The following LRRTM3 variants were observed in gnomAD, a reference collection of about 807,000 sequenced individuals.
LRRTM3 encodes leucine rich repeat transmembrane neuronal 3.
In LRRTM3, 24 loss-of-function variants were observed where a neutral mutation model predicts 44.7. The observed-to-expected ratio is 0.54, with a 90% CI of 0.39 to 0.76. The LOEUF is 0.76. Among genes scored for constraint, LRRTM3 ranks in the 30% least tolerant of loss-of-function variants. The pLI, the probability that LRRTM3 is intolerant of heterozygous loss-of-function variation, is 0.00. For missense variants in LRRTM3, 587 were observed against 702.2 expected (o/e 0.84, Z 1.85); for synonymous variants, 277 against 278.7 (o/e 0.99, Z 0.06).
At chr10:67,022,581 A>G (rs1853093687) in intron 2 of LRRTM3, among the ~76,000 whole-genome samples, 1 of 152,188 alleles carries the variant, frequency 6.6e-6, no homozygotes, top group African/African-American at 2.4e-5. Flanking sequence ...TGCAGTGTAC[A>G]AAGTCAATAT....
At position 67,100,412 on chromosome 10, in the gene LRRTM3, T is replaced by C. The variant is rs374127191; in HGVS notation, c.*2616T>C. Among the ~76,000 whole-genome samples, 8 of 151,772 alleles carry C rather than the reference T, an allele frequency of 5.3e-5. No individual in the cohort carries two copies. The highest frequency in any genetic ancestry group is 1.7e-4 in the African/African-American group (7 of 41,412). On this transcript the variant is annotated 3_prime_UTR_variant, in exon 3 of 3. Coordinates refer to ENST00000361320, the MANE Select transcript of LRRTM3 (RefSeq NM_178011.5). ...TATTATTTTTGCTTAATTTTTATTTTGCCATGTCCAGGTTAAGGGTGAGGG... is the reference window on the plus strand; with the variant it reads ...TATTATTTTTGCTTAATTTTTATTTCGCCATGTCCAGGTTAAGGGTGAGGG...
intron 2 of LRRTM3, among the ~76,000 whole-genome samples, chr10:66,963,473 CTT>C (rs1438167504): frequency 2.0e-5 from 3 of 152,144 alleles, no homozygotes; most frequent in African/African-American, 7.2e-5. Flanking sequence ...ACAACGATTA[CTT>C]TCCAAGTAGA....
chr10:66,927,107 T>C lies in LRRTM3; in HGVS notation c.191T>C (p.Leu64Ser). ...EIPSSISAGC[L>S]GLSLRYNSLQ... is the part of the protein sequence containing the mutation. ...CCCTCAAGTATATCTGCTGGTTGCT[T>C]AGGTTTGTCCCTTCGCTATAACAGC... The change falls in exon 2 of 3, where the codon TTA becomes TCA. Residue 64 changes from leucine to serine, a missense_variant. Transcript: ENST00000361320. This position sits in a 1 kb window ranked among gnomAD's most constrained non-coding sequence, Gnocchi z 4.7. 1.2e-6 allele frequency: 2 copies of C among 1,614,190 alleles called. No homozygotes were observed. Among genetic ancestry groups the C allele is most frequent in the Admixed American group, 1.7e-5 (1 of 60,024 alleles).
intron 2 of LRRTM3, among the ~76,000 whole-genome samples, chr10:67,009,535 G>A (rs906235471): frequency 6.6e-6 from 1 of 151,300 alleles, no homozygotes; most frequent in African/African-American, 2.4e-5. Context: ...TTGTTTGTTT[G>A]TTTGTTTGCT....
chr10:67,064,636 G>A (rs1289486900), intron 2 of LRRTM3, among the ~76,000 whole-genome samples: 1 of 152,028 alleles, frequency 6.6e-6, no homozygotes, highest in East Asian at 1.9e-4. Context: ...TTCACAGAAG[G>A]CAAAGAAAAA....
intron 2 of LRRTM3, among the ~76,000 whole-genome samples, chr10:67,090,628 A>T (rs1857574302): frequency 6.6e-6 from 1 of 152,112 alleles, no homozygotes; most frequent in Non-Finnish European, 1.5e-5. Context: ...TAGTCTTAGA[A>T]GGCTTAAAAT....
At chr10:66,954,275 G>A (rs1372341838) in intron 2 of LRRTM3, among the ~76,000 whole-genome samples, 1 of 152,100 alleles carries the variant, frequency 6.6e-6, no homozygotes, top group Non-Finnish European at 1.5e-5. Context: ...GAATCATGTT[G>A]TAAACCATAT....
At chr10:67,090,165 T>C (rs1857545800) in intron 2 of LRRTM3, among the ~76,000 whole-genome samples, 1 of 152,088 alleles carries the variant, frequency 6.6e-6, no homozygotes, top group Admixed American at 6.6e-5. Context: ...AGGAGTATAC[T>C]TAAGGTTCCT....
chr10:66,981,182 G>T (rs369649690), intron 2 of LRRTM3, among the ~76,000 whole-genome samples: 3 of 152,192 alleles, frequency 2.0e-5, no homozygotes, highest in South Asian at 2.1e-4. Context: ...GGGATTACAG[G>T]CGTGAGCCAC....
At position 66,927,356 on chromosome 10, in the gene LRRTM3, C is replaced by T. The variant is rs752265322; in HGVS notation, c.440C>T (p.Ser147Phe). The T allele has an allele frequency of 1.7e-5, 27 of 1,614,082 alleles. No homozygotes were observed. Among genetic ancestry groups the T allele is most frequent in the Non-Finnish European group, 2.3e-5 (27 of 1,180,060 alleles). ...NLDLSYNQLH[S>F]LGSEQFRGLR... ...GATCTGTCCTATAATCAGCTGCATT[C>T]TCTGGGATCTGAACAGTTTCGGGGC... is the stretch of plus-strand genomic sequence containing the variant. The change falls in exon 2 of 3, where the codon TCT becomes TTT. Residue 147 changes from serine to phenylalanine, a missense_variant. Ser to Phe is a radical substitution (Grantham distance 155, BLOSUM62 -2). Transcript: ENST00000361320. This position sits in a 1 kb window ranked among gnomAD's most constrained non-coding sequence, Gnocchi z 4.7.
At chr10:66,974,794 C>T (rs1455719546) in intron 2 of LRRTM3, among the ~76,000 whole-genome samples, 2 of 151,504 alleles carry the variant, frequency 1.3e-5, no homozygotes, top group Non-Finnish European at 2.9e-5. Flanking sequence ...CATGTGCTTA[C>T]CAACCATTTG....
At position 67,096,182 on chromosome 10, in the gene LRRTM3, TAAA is replaced by T. The variant is rs552482397; in HGVS notation, c.1537-1403_1537-1401del. Among the ~76,000 whole-genome samples the T allele has an allele frequency of 5.9e-5, 9 of 151,964 alleles. No homozygotes were observed. The South Asian group carries it at 1.9e-3, about 31-fold the overall frequency. ...TATTCATATTATAAGCAAATAATCT[TAAA>T]AGAAGTGATTAGTTTTATTTTTTAT... On this transcript the variant is annotated intron_variant, in intron 2 of 2. Coordinates refer to ENST00000361320, the MANE Select transcript of LRRTM3 (RefSeq NM_178011.5).
intron 2 of LRRTM3, among the ~76,000 whole-genome samples, chr10:67,086,353 T>A (rs1857307144): frequency 6.6e-6 from 1 of 152,022 alleles, no homozygotes; most frequent in South Asian, 2.1e-4. Context: ...GGACAGAATA[T>A]CACTTCATTT....
chr10:67,031,181 C>T (rs902796833), intron 2 of LRRTM3, among the ~76,000 whole-genome samples: 5 of 151,944 alleles, frequency 3.3e-5, no homozygotes, highest in Non-Finnish European at 7.4e-5. Flanking sequence ...TAAATAAAAC[C>T]CTCTGATTTA....
At chr10:67,046,323 C>A (rs1239537477) in intron 2 of LRRTM3, among the ~76,000 whole-genome samples, 6 of 152,142 alleles carry the variant, frequency 3.9e-5, no homozygotes, top group Admixed American at 3.9e-4. Context: ...ATCAAATATG[C>A]CAGGTTTCAA....
At chr10:67,012,186 C>A (rs1852379726) in intron 2 of LRRTM3, 1 of 152,222 alleles carries the variant, frequency 6.6e-6, no homozygotes, top group Non-Finnish European at 1.5e-5. Flanking sequence ...GTGTGTGATG[C>A]ACTTCCTATG....
At chr10:66,931,641 T>C (rs998143830) in intron 2 of LRRTM3, among the ~76,000 whole-genome samples, 1 of 152,190 alleles carries the variant, frequency 6.6e-6, no homozygotes, top group Non-Finnish European at 1.5e-5. Flanking sequence ...CAACATGTTT[T>C]TTGACTAGTA....
At chr10:67,044,506 C>T (rs1854606450) in intron 2 of LRRTM3, among the ~76,000 whole-genome samples, 1 of 152,112 alleles carries the variant, frequency 6.6e-6, no homozygotes, top group Admixed American at 6.5e-5. Flanking sequence ...ACTTTTGATG[C>T]TATCTGGAAA....
intron 2 of LRRTM3, among the ~76,000 whole-genome samples, chr10:66,930,929 T>C (rs1847351315): frequency 6.6e-6 from 1 of 152,164 alleles, no homozygotes; most frequent in Non-Finnish European, 1.5e-5. Flanking sequence ...TCTGTAATTC[T>C]CAGTATCTTC....
Sources: allele counts gnomAD v4.1 joint callset (sites outside exome capture counted in the v4.1 genomes callset), GRCh38; gene constraint gnomAD v4.1.1; non-coding constraint Gnocchi (gnomAD v3.1); transcripts MANE v1.5; gene names NCBI Gene and HGNC (gene_info 2026-07-23, HGNC 2026-07-21).